JCAD: variants seen among roughly 807,000 people sequenced by gnomAD.
JCAD encodes the protein junctional cadherin 5 associated, also known as junctional cadherin 5-associated protein.
A neutral mutation model predicts 98.0 loss-of-function variants in JCAD; 40 were observed. The observed-to-expected ratio is 0.41, with a 90% CI of 0.32 to 0.53. The LOEUF (loss-of-function observed/expected upper bound fraction) is 0.53, where lower values mean the gene tolerates loss of function less well. Among genes scored for constraint, JCAD ranks in the 20% least tolerant of loss-of-function variants. JCAD has a pLI of 0.31. For synonymous variants in JCAD, 691 were observed against 682.3 expected (o/e 1.01, Z -0.20); for missense variants, 1,705 against 1,738.1 (o/e 0.98, Z 0.34).
At chr10:30,024,420 C>A (rs577335678) in intron 3 of JCAD, among the ~76,000 whole-genome samples, 45 of 152,110 alleles carry the variant, frequency 3.0e-4, no homozygotes, top group Non-Finnish European at 4.6e-4. Flanking sequence ...AGGGGGACTG[C>A]AGAGGAATTA....
chr10:30,029,849 G>C lies in JCAD; in HGVS notation c.299C>G (p.Pro100Arg), dbSNP rs761754322. 1.2e-6 allele frequency: 2 copies of C among 1,613,854 alleles called. No individual in the cohort carries two copies. Among genetic ancestry groups the C allele is most frequent in the Non-Finnish European group, 1.7e-6 (2 of 1,179,890 alleles). ...CGGGGGATGAGAGGACCATGCTGAG[G>C]GGGGTTGATTACAAAACCTACAAAA... is the stretch of plus-strand genomic sequence containing the variant. The part of the protein sequence containing the change: ...TSEAGFCNQP[P>R]SAWSSHPPTG... Residue 100 changes from proline (P) to arginine (R), a missense_variant, in exon 3 of 4, where the codon CCC becomes CGC. Physicochemically the swap from Pro to Arg is moderately radical, Grantham distance 103. Around this residue, in one of 3 missense-constraint regions of JCAD, gnomAD observed 152 missense variants for 148.0 expected, o/e 1.03. Transcript: ENST00000375377.
chr10:30,040,820 C>G (rs1338908710), intron 2 of JCAD, among the ~76,000 whole-genome samples: 1 of 152,148 alleles, frequency 6.6e-6, no homozygotes, highest in Non-Finnish European at 1.5e-5. Context: ...TGAGGCAAAG[C>G]GGCTGGACCA....
Position 30,045,776 on chromosome 10 carries a change from C to T in JCAD, c.281+1756G>A, listed in dbSNP as rs537592535. ...CCCCTTCTTCATTGTGATTTTCCCCCCTGAGCCTGGCTCCATCAGTGCTAA... is the reference window on the plus strand; with the variant it reads ...CCCCTTCTTCATTGTGATTTTCCCCTCTGAGCCTGGCTCCATCAGTGCTAA... On this transcript the variant is annotated intron_variant, in intron 2 of 3. Coordinates refer to ENST00000375377, the MANE Select transcript of JCAD (RefSeq NM_020848.4). Among the ~76,000 whole-genome samples, 6 of 152,314 alleles carry T rather than the reference C, an allele frequency of 3.9e-5. No individual in the cohort carries two copies. The South Asian group carries it at 1.0e-3, about 26-fold the overall frequency.
Position 30,016,145 on chromosome 10 carries a change from T to C in JCAD, c.*1738A>G, listed in dbSNP as rs1836526950. 6.6e-6 allele frequency: 1 copy of C among 152,198 alleles called. No individual in the cohort carries two copies. The highest frequency in any genetic ancestry group is 1.5e-5 in the Non-Finnish European group (1 of 68,044). 9.4% of individuals were successfully genotyped at this position (152,198 alleles called of 1,614,324 possible). A position where few individuals can be genotyped will look rare whatever the true frequency, so the allele number is the denominator to read the frequency against. ...TTACAGTCCAAATACATAAAGTTAT[T>C]ATGAAATAAAATCATACGGTACAGA... On this transcript the variant is annotated 3_prime_UTR_variant, in exon 4 of 4. Coordinates refer to ENST00000375377, the MANE Select transcript of JCAD (RefSeq NM_020848.4).
upstream of JCAD, among the ~76,000 whole-genome samples, chr10:30,064,080 C>T (rs1837746517): frequency 6.6e-6 from 1 of 152,104 alleles, no homozygotes; most frequent in Admixed American, 6.5e-5. Flanking sequence ...GGTGGGATTA[C>T]AGGTGAAAAC....
At chr10:30,029,928 G>A (rs1028717637) in intron 2 of JCAD, 62 bp from the exon 3 acceptor site, 31 of 1,505,092 alleles carry the variant, frequency 2.1e-5, no homozygotes, top group Non-Finnish European at 2.7e-5. Context: ...CTGCTTCTGT[G>A]ACTGGCATTC....
intron 1 of JCAD, among the ~76,000 whole-genome samples, chr10:30,050,414 T>C (rs1837445612): frequency 6.6e-6 from 1 of 151,220 alleles, no homozygotes; most frequent in Non-Finnish European, 1.5e-5. Flanking sequence ...CCAGGCTCAC[T>C]GGTTCAACAT....
chr10:30,020,320 C>A (rs1042942505), intron 3 of JCAD, among the ~76,000 whole-genome samples: 2 of 110,170 alleles, frequency 1.8e-5, no homozygotes, highest in East Asian at 2.5e-4. Context: ...GAGTGAGACT[C>A]GGTCTCAAAA....
chr10:30,093,622 C>T (rs1165812341), intron 1 of JCAD, among the ~76,000 whole-genome samples: 1 of 152,194 alleles, frequency 6.6e-6, no homozygotes, highest in East Asian at 1.9e-4. Context: ...AGCTCTAGCC[C>T]CCCGCATGTG....
At chr10:30,065,444 G>A (rs1193980871) in intron 2 of JCAD, among the ~76,000 whole-genome samples, 1 of 151,886 alleles carries the variant, frequency 6.6e-6, no homozygotes, top group African/African-American at 2.4e-5. Context: ...GTCAACAAGT[G>A]CTAATAACAC....
chr10:30,053,242 T>G (rs1306575655), intron 1 of JCAD, among the ~76,000 whole-genome samples: 3 of 152,096 alleles, frequency 2.0e-5, no homozygotes. Context: ...AGGCTATATG[T>G]AAATGAAAAT....
chr10:30,058,907 A>G (rs1837639141), intron 1 of JCAD, among the ~76,000 whole-genome samples: 2 of 152,178 alleles, frequency 1.3e-5, no homozygotes, highest in Admixed American at 1.3e-4. Context: ...GACCGCGCAG[A>G]GACCGGAGCG....
Position 30,017,875 on chromosome 10 carries a change from G to A in JCAD, c.*8C>T, listed in dbSNP as rs2478839. On this transcript the variant is annotated 3_prime_UTR_variant, in exon 4 of 4. Transcript: ENST00000375377. Reference sequence around the variant, plus strand: ...TCGCAACGGAATGCAAGCTCCACCGGCATTTCATCACACCCTCTCCACTCT... The same window carrying A: ...TCGCAACGGAATGCAAGCTCCACCGACATTTCATCACACCCTCTCCACTCT... 662,257 of 1,607,092 alleles carry A rather than the reference G, an allele frequency of 0.41. 142,748 individuals carry two copies. Among genetic ancestry groups the A allele is most frequent in the Non-Finnish European group, 0.44 (522,100 of 1,174,190 alleles).
chr10:30,038,292 G>A (rs1370198112), intron 2 of JCAD, among the ~76,000 whole-genome samples: 1 of 152,184 alleles, frequency 6.6e-6, no homozygotes, highest in Non-Finnish European at 1.5e-5. Flanking sequence ...GGTAATTCTA[G>A]TAGTGTTTAA....
chr10:30,083,938 C>T (rs1589711112), intron 1 of JCAD, among the ~76,000 whole-genome samples: 2 of 151,700 alleles, frequency 1.3e-5, no homozygotes, highest in African/African-American at 2.4e-5. Flanking sequence ...GGGAGGATAG[C>T]TTGAGCCCAG....
chr10:30,079,473 T>A (rs1345442986), intron 1 of JCAD, among the ~76,000 whole-genome samples: 1 of 152,220 alleles, frequency 6.6e-6, no homozygotes, highest in East Asian at 1.9e-4. Flanking sequence ...TGGACTCTTT[T>A]GAGTTTTAAG....
upstream of JCAD, among the ~76,000 whole-genome samples, chr10:30,060,913 G>A (rs925145788): frequency 3.0e-4 from 46 of 152,122 alleles, no homozygotes; most frequent in Admixed American, 3.3e-4. Flanking sequence ...TAGTAGCAAC[G>A]TATAATCTAA....
In JCAD at chr10:30,026,092, T is replaced by C. The variant is rs776435569; in HGVS notation, c.4045+11A>G. 3.1e-6 allele frequency: 5 copies of C among 1,614,082 alleles called. No homozygotes were observed. In the South Asian group the frequency reaches 5.5e-5, roughly 18 times the overall value. On this transcript the variant is annotated intron_variant, in intron 3 of 3. Coordinates refer to ENST00000375377, the MANE Select transcript of JCAD (RefSeq NM_020848.4). ...TATACTGAGCACCTGCCTGTCTGCC[T>C]GATTCCTCACCTGGGCACCAGAAGT...
In JCAD at chr10:30,027,568, C is replaced by G; in HGVS notation, c.2580G>C (p.Glu860Asp). 1 of 1,613,822 alleles carries G rather than the reference C, an allele frequency of 6.2e-7. No individual in the cohort carries two copies. ...SSSSSSSSSSEESEAEPQQEN... is the reference protein window; with the variant it reads ...SSSSSSSSSSDESEAEPQQEN... ...CCTGCTGCGGCTCCGCCTCACTCTC[C>G]TCACTGCTGCTGCTGCTGCTGCTGC... Residue 860 changes from glutamate to aspartate, a missense_variant, in exon 3 of 4, where the codon GAG becomes GAC. Physicochemically the swap from Glu to Asp is conservative, Grantham distance 45. This residue lies in a region of JCAD where 1,278 missense variants were observed against 1,243.1 expected (regional missense o/e 1.03). Coordinates refer to ENST00000375377, the MANE Select transcript of JCAD (RefSeq NM_020848.4).
Sources: allele counts gnomAD v4.1 joint callset (sites outside exome capture counted in the v4.1 genomes callset), GRCh38; gene constraint gnomAD v4.1.1; regional missense constraint gnomAD v4.1.1; transcripts MANE v1.5; gene names NCBI Gene and HGNC (gene_info 2026-07-23, HGNC 2026-07-21).